PLEKHM3: variants seen among roughly 807,000 people sequenced by gnomAD.
PLEKHM3 encodes pleckstrin homology domain containing M3.
In PLEKHM3, 45 loss-of-function variants were observed where a neutral mutation model predicts 81.8. The ratio of observed to expected loss-of-function variants is 0.55; its 90% CI spans 0.43 to 0.71. The LOEUF (loss-of-function observed/expected upper bound fraction) is 0.71. PLEKHM3 is among the 30% of genes least tolerant of loss of function. PLEKHM3 has a pLI of 0.00. For synonymous variants in PLEKHM3, 352 were observed against 356.4 expected (o/e 0.99, Z 0.14); for missense variants, 788 against 924.3 (o/e 0.85, Z 1.91).
chr2:207,901,273 G>A (rs1311587012), intron 6 of PLEKHM3: 1 of 703,034 alleles, frequency 1.4e-6, no homozygotes, highest in East Asian at 2.7e-5. Context: ...TCAATCATCT[G>A]TGGATCAGGT....
chr2:207,908,146 G>C (rs1328484119), intron 6 of PLEKHM3, among the ~76,000 whole-genome samples: 1 of 152,094 alleles, frequency 6.6e-6, no homozygotes, highest in Non-Finnish European at 1.5e-5. Context: ...ATGCTGCTCT[G>C]AACATTTGTG....
intron 6 of PLEKHM3, among the ~76,000 whole-genome samples, chr2:207,880,129 G>A (rs778298307): frequency 6.6e-6 from 1 of 152,152 alleles, no homozygotes; most frequent in East Asian, 1.9e-4. Flanking sequence ...AATTCAGGCC[G>A]GGCATGGTGG....
chr2:208,013,342 C>A (rs1165186383), intron 1 of PLEKHM3, among the ~76,000 whole-genome samples: 1 of 152,052 alleles, frequency 6.6e-6, no homozygotes, highest in Non-Finnish European at 1.5e-5. Flanking sequence ...ATAGCGAAAC[C>A]CCATCTCTAC....
chr2:207,993,528 T>TG (rs35784808), intron 2 of PLEKHM3, among the ~76,000 whole-genome samples: 96,443 of 149,540 alleles, frequency 0.64, 32,134 homozygotes, highest in Non-Finnish European at 0.73. Context: ...AAGTGAAAGA[T>TG]GGGAAAAAGG....
At chr2:207,983,197 A>G (rs1574467570) in intron 2 of PLEKHM3, among the ~76,000 whole-genome samples, 2 of 151,946 alleles carry the variant, frequency 1.3e-5, no homozygotes, top group South Asian at 4.2e-4. Flanking sequence ...GACTACAGGC[A>G]CCAGCCACCA....
chr2:207,979,681 A>G (rs1691455358), intron 2 of PLEKHM3, among the ~76,000 whole-genome samples: 1 of 152,220 alleles, frequency 6.6e-6, no homozygotes, highest in African/African-American at 2.4e-5. Context: ...TAATTGAGAC[A>G]TTCCCTAAAA....
intron 7 of PLEKHM3, among the ~76,000 whole-genome samples, chr2:207,839,412 C>T (rs887875517): frequency 6.6e-6 from 1 of 152,120 alleles, no homozygotes; most frequent in Non-Finnish European, 1.5e-5. Flanking sequence ...GAATAAGTTA[C>T]TGGTTATTGA....
At chr2:207,863,400 C>T (rs556700627) in intron 6 of PLEKHM3, among the ~76,000 whole-genome samples, 1 of 152,358 alleles carries the variant, frequency 6.6e-6, no homozygotes, top group South Asian at 2.1e-4. Flanking sequence ...CAAGCCCACT[C>T]TCCTCCAAGA....
At chr2:208,004,924 C>G (rs1692448635) in intron 1 of PLEKHM3, among the ~76,000 whole-genome samples, 1 of 152,176 alleles carries the variant, frequency 6.6e-6, no homozygotes, top group South Asian at 2.1e-4. Flanking sequence ...CCACGGCGTT[C>G]AAGCGATTCT....
chr2:208,001,460 C>T lies in PLEKHM3; in HGVS notation c.180G>A (p.Met60Ile). ...VLSNITDNGAMRNVTSLGKGG... is the reference protein window; with the variant it reads ...VLSNITDNGAIRNVTSLGKGG... ...CCTTGCCCAGGGAGGTGACATTTCT[C>T]ATAGCACCATTGTCTGTTATGTTAC... The change falls in exon 2 of 8, where the codon ATG becomes ATA. Residue 60 changes from methionine (M) to isoleucine (I), a missense_variant. By Grantham distance (10) the Met-to-Ile change is conservative (BLOSUM62 1). Transcript: ENST00000427836. 6.2e-7 allele frequency: 1 copy of T among 1,614,198 alleles called. No homozygotes were observed. The highest frequency in any genetic ancestry group is 8.5e-7 in the Non-Finnish European group (1 of 1,180,022).
intron 7 of PLEKHM3, among the ~76,000 whole-genome samples, chr2:207,835,254 C>A (rs994026996): frequency 6.6e-6 from 1 of 152,092 alleles, no homozygotes. Context: ...GTTTCAACAA[C>A]TTCTGCAATA....
In PLEKHM3 at chr2:207,962,346, C is replaced by G. The variant is rs1559258624; in HGVS notation, c.1546+14305G>C. On this transcript the variant is annotated intron_variant, in intron 3 of 7. Coordinates refer to ENST00000427836, the MANE Select transcript of PLEKHM3 (RefSeq NM_001080475.3). ...GGAGCTTCCTCATTGATGATCATAA[C>G]AATTTGATGGGAAGGTGATGCAGCC... Among the ~76,000 whole-genome samples the G allele has an allele frequency of 2.0e-5, 3 of 152,164 alleles. No individual in the cohort carries two copies. The South Asian group carries it at 6.2e-4, about 31-fold the overall frequency.
In PLEKHM3 at chr2:207,977,411, G is replaced by T; in HGVS notation, c.786C>A (p.Phe262Leu). 5 of 1,614,198 alleles carry T rather than the reference G, an allele frequency of 3.1e-6. No homozygotes were observed. Among genetic ancestry groups the T allele is most frequent in the Non-Finnish European group, 4.2e-6 (5 of 1,180,042 alleles). ...GGTTGCCTAAAACAGATATGCTCTGGAAGTGTGAAAGCTGGTACGTGGCAT... is the reference window on the plus strand; with the variant it reads ...GGTTGCCTAAAACAGATATGCTCTGTAAGTGTGAAAGCTGGTACGTGGCAT... ...NLYATYQLSH[F>L]QSISVLGNLE... is the part of the protein sequence containing the mutation. Residue 262 changes from phenylalanine (F) to leucine (L), a missense_variant, in exon 3 of 8, where the codon TTC becomes TTA. Coordinates refer to ENST00000427836, the MANE Select transcript of PLEKHM3 (RefSeq NM_001080475.3).
intron 2 of PLEKHM3, among the ~76,000 whole-genome samples, chr2:207,984,790 T>C (rs561128612): frequency 1.3e-5 from 2 of 152,346 alleles, no homozygotes; most frequent in East Asian, 3.9e-4. Context: ...CTCCTTTTTT[T>C]CATGCCATGT....
chr2:207,873,912 T>C (rs1389098375), intron 6 of PLEKHM3, among the ~76,000 whole-genome samples: 2 of 152,222 alleles, frequency 1.3e-5, no homozygotes, highest in Non-Finnish European at 2.9e-5. Context: ...AATACATTGC[T>C]GGCTCACTGA....
chr2:207,918,778 A>C (rs1211135599), intron 5 of PLEKHM3, among the ~76,000 whole-genome samples: 1 of 152,212 alleles, frequency 6.6e-6, no homozygotes, highest in Non-Finnish European at 1.5e-5. Flanking sequence ...ATTAGCCCCC[A>C]CTATATGTAT....
At chr2:207,894,790 G>GA (rs1559225260) in intron 6 of PLEKHM3, among the ~76,000 whole-genome samples, 2 of 152,102 alleles carry the variant, frequency 1.3e-5, no homozygotes, top group South Asian at 2.1e-4. Context: ...ACACAAAATT[G>GA]AAAAAACATA....
chr2:207,997,330 A>T (rs1692154430), intron 2 of PLEKHM3, among the ~76,000 whole-genome samples: 1 of 152,208 alleles, frequency 6.6e-6, no homozygotes, highest in South Asian at 2.1e-4. Flanking sequence ...CAGAAGACGC[A>T]GAGGCCCTAC....
chr2:207,849,903 A>G (rs2092403424), intron 7 of PLEKHM3, among the ~76,000 whole-genome samples: 2 of 152,244 alleles, frequency 1.3e-5, no homozygotes, highest in Non-Finnish European at 2.9e-5. Flanking sequence ...GTAAAACAGA[A>G]TACCTGAGAC....
Sources: gnomAD v4.1 joint callset for allele counts (sites outside exome capture counted in the v4.1 genomes callset) on GRCh38, gnomAD v4.1.1 for gene constraint, MANE v1.5 for transcripts, NCBI Gene and HGNC (gene_info 2026-07-23, HGNC 2026-07-21) for gene names.